BCKDHB: variants seen among roughly 807,000 people sequenced by gnomAD.
BCKDHB encodes the protein branched chain keto acid dehydrogenase E1 subunit beta.
In BCKDHB, 41 loss-of-function variants were observed where a neutral mutation model predicts 48.5. The ratio of observed to expected loss-of-function variants is 0.85; its 90% CI spans 0.66 to 1.10. The LOEUF (loss-of-function observed/expected upper bound fraction) is 1.10. BCKDHB is among the 50% of genes least tolerant of loss of function. The probability of loss-of-function intolerance (pLI) is 0.00; values close to 1 mark genes in which losing one functional copy is unlikely to be tolerated. For missense variants in BCKDHB, 496 were observed against 494.2 expected (o/e 1.00, Z -0.03); for synonymous variants, 201 against 174.8 (o/e 1.15, Z -1.18).
the BCKDHB span, among the ~76,000 whole-genome samples, chr6:80,359,315 ACTGTGTGCC>A: frequency 6.6e-6 from 1 of 152,022 alleles, no homozygotes; most frequent in East Asian, 1.9e-4. Context: ...GCCTCCACCT[ACTGTGTGCC>A]ACGCCAAAAA....
chr6:80,278,640 A>ACCTC (rs1778064645), intron 9 of BCKDHB, among the ~76,000 whole-genome samples: 1 of 151,740 alleles, frequency 6.6e-6, no homozygotes, highest in Non-Finnish European at 1.5e-5. Flanking sequence ...GCTCACTGCA[A>ACCTC]CCTCCGCCTG....
At chr6:80,170,357 T>A (rs992445682) in intron 5 of BCKDHB, among the ~76,000 whole-genome samples, 3 of 152,214 alleles carry the variant, frequency 2.0e-5, no homozygotes, top group Non-Finnish European at 4.4e-5. Flanking sequence ...TTTTAATAAC[T>A]CTTCCTATAT....
At chr6:80,135,851 G>T (rs578224287) in intron 3 of BCKDHB, 1 of 151,998 alleles carries the variant, frequency 6.6e-6, no homozygotes, top group South Asian at 2.1e-4. Flanking sequence ...ACAGTCCCTG[G>T]CAAGAACCCA....
chr6:80,321,733 A>G (rs1768733102), intron 9 of BCKDHB, among the ~76,000 whole-genome samples: 1 of 152,214 alleles, frequency 6.6e-6, no homozygotes, highest in South Asian at 2.1e-4. Flanking sequence ...CAGGAAACTA[A>G]TGTCTAATAT....
the BCKDHB span, among the ~76,000 whole-genome samples, chr6:80,395,662 A>G: frequency 2.0e-5 from 3 of 152,252 alleles, no homozygotes; most frequent in Non-Finnish European, 4.4e-5. Flanking sequence ...TTCTGCAGAA[A>G]TTTGCATAAG....
At chr6:80,231,030 G>A (rs1051647508) in intron 8 of BCKDHB, among the ~76,000 whole-genome samples, 5 of 152,198 alleles carry the variant, frequency 3.3e-5, no homozygotes, top group African/African-American at 1.2e-4. Flanking sequence ...GATGTGACTG[G>A]ATCTCTTCAT....
At chr6:80,107,445 GTA>G (rs1491005406) in intron 1 of BCKDHB, among the ~76,000 whole-genome samples, 33 of 133,116 alleles carry the variant, frequency 2.5e-4, no homozygotes, top group Admixed American at 7.4e-4. Context: ...GTGTGTGTGT[GTA>G]TATATCCACA....
chr6:80,384,383 G>A, the BCKDHB span, among the ~76,000 whole-genome samples: 1 of 150,970 alleles, frequency 6.6e-6, no homozygotes, highest in Non-Finnish European at 1.5e-5. Flanking sequence ...TTCTGAGATG[G>A]AGTCTCGCTC....
intron 9 of BCKDHB, among the ~76,000 whole-genome samples, chr6:80,289,066 C>G (rs1320461213): frequency 1.3e-5 from 2 of 152,004 alleles, no homozygotes; most frequent in African/African-American, 4.8e-5. Context: ...ATTTGCTAAG[C>G]CCTCATTGAG....
chr6:80,259,813 A>T (rs1777217688), intron 8 of BCKDHB, among the ~76,000 whole-genome samples: 1 of 152,166 alleles, frequency 6.6e-6, no homozygotes, highest in Non-Finnish European at 1.5e-5. Flanking sequence ...CCAATTCTGA[A>T]TTTTATTTTT....
chr6:80,359,595 GTTGT>G, the BCKDHB span, among the ~76,000 whole-genome samples: 7 of 149,360 alleles, frequency 4.7e-5, no homozygotes, highest in African/African-American at 7.5e-5. Flanking sequence ...TCTTATTGTT[GTTGT>G]TTGTTTGTTT....
intron 8 of BCKDHB, among the ~76,000 whole-genome samples, chr6:80,238,913 C>T (rs1776261797): frequency 6.6e-6 from 1 of 152,120 alleles, no homozygotes; most frequent in South Asian, 2.1e-4. Context: ...ATCCATGGCC[C>T]TGCAAAGGAC....
chr6:80,365,040 G>A, the BCKDHB span, among the ~76,000 whole-genome samples: 1 of 152,144 alleles, frequency 6.6e-6, no homozygotes, highest in African/African-American at 2.4e-5. Context: ...TAAGAACAGG[G>A]AGTAGGTATG....
intron 9 of BCKDHB, among the ~76,000 whole-genome samples, chr6:80,279,568 A>G (rs558126214): frequency 1.3e-5 from 2 of 151,896 alleles, no homozygotes; most frequent in South Asian, 2.1e-4. Flanking sequence ...AAAGCATCCA[A>G]TGGATCCTCA....
chr6:80,163,570 A>G (rs573620324), intron 3 of BCKDHB, among the ~76,000 whole-genome samples: 1 of 152,272 alleles, frequency 6.6e-6, no homozygotes, highest in South Asian at 2.1e-4. Context: ...TATCCAGGCT[A>G]CAATCTTAGA....
chr6:80,298,408 C>T (rs1767375401), intron 9 of BCKDHB, among the ~76,000 whole-genome samples: 1 of 152,150 alleles, frequency 6.6e-6, no homozygotes, highest in Non-Finnish European at 1.5e-5. Flanking sequence ...CATGCCTGCC[C>T]CTTTTAAATT....
chr6:80,352,009 C>T, the BCKDHB span, among the ~76,000 whole-genome samples: 609 of 151,952 alleles, frequency 4.0e-3, 2 homozygotes, highest in Non-Finnish European at 6.5e-3. Context: ...TTAGTAGAGA[C>T]GGGGTTTCTC....
intron 8 of BCKDHB, among the ~76,000 whole-genome samples, chr6:80,258,530 A>G (rs189636862): frequency 1.1e-3 from 172 of 152,372 alleles, no homozygotes; most frequent in Non-Finnish European, 2.1e-3. Flanking sequence ...GGTCTGATGC[A>G]TTGGGATTAA....
intron 1 of BCKDHB, among the ~76,000 whole-genome samples, chr6:80,116,874 T>TA (rs1196082334): frequency 6.6e-6 from 1 of 152,234 alleles, no homozygotes; most frequent in Non-Finnish European, 1.5e-5. Context: ...TTAACAGTCT[T>TA]ACCAGCAGTA....
Sources: allele counts gnomAD v4.1 joint callset (sites outside exome capture counted in the v4.1 genomes callset), GRCh38; gene constraint gnomAD v4.1.1; transcripts MANE v1.5; gene names NCBI Gene and HGNC (gene_info 2026-07-23, HGNC 2026-07-21).